RSAD2: variants seen among roughly 807,000 people sequenced by gnomAD.
The protein encoded by RSAD2 is radical S-adenosyl methionine domain containing 2.
Under a neutral mutation model 37.7 loss-of-function variants are expected in RSAD2, and 38 were observed. The observed-to-expected ratio is 1.01, with a 90% confidence interval of 0.78 to 1.32. The LOEUF is 1.32. Among genes scored for constraint, RSAD2 ranks in the 40% most tolerant of loss-of-function variants. The pLI is 0.00. For synonymous variants in RSAD2, 163 were observed against 157.4 expected, an observed-to-expected ratio of 1.04 and a Z score of -0.27; for missense variants, 428 against 437.5, an observed-to-expected ratio of 0.98 and a Z score of 0.19.
intron 4 of RSAD2, 107 bp downstream of exon 4, chr2:6,890,432 C>G (rs750422166): frequency 1.6e-6 from 2 of 1,236,128 alleles, no homozygotes; most frequent in East Asian, 2.4e-5. Context: ...TTAGAGGGTT[C>G]GGTGGTGAGA....
At chr2:6,890,382 A>C (rs1323800650) in intron 4 of RSAD2, 57 bp downstream of exon 4, 13 of 1,577,610 alleles carry the variant, frequency 8.2e-6, no homozygotes, top group Admixed American at 3.4e-5. Context: ...TGATTCCCAA[A>C]AGGGAAGTCT....
Position 6,883,409 on chromosome 2 carries a change from C to T in RSAD2, c.385C>T (p.Leu129Phe). 1.2e-6 allele frequency: 2 copies of T among 1,614,202 alleles called. No homozygotes were observed. The highest frequency in any genetic ancestry group is 1.1e-5 in the South Asian group (1 of 91,088). The change falls in exon 2 of 6, where the codon CTT becomes TTT. Residue 129 changes from leucine (L) to phenylalanine (F), a missense_variant. Coordinates refer to ENST00000382040, the MANE Select transcript of RSAD2 (RefSeq NM_080657.5). ...KINFSGGEPF[L>F]QDRGEYLGKL... is the part of the protein sequence containing the mutation. ...CAACTTTTCAGGTGGAGAGCCATTTCTTCAAGACCGGGGAGAATACCTGGG... is the reference window on the plus strand; with the variant it reads ...CAACTTTTCAGGTGGAGAGCCATTTTTTCAAGACCGGGGAGAATACCTGGG...
At chr2:6,891,769 C>T (rs1663636425) in intron 4 of RSAD2, among the ~76,000 whole-genome samples, 1 of 151,444 alleles carries the variant, frequency 6.6e-6, no homozygotes, top group African/African-American at 2.4e-5. Context: ...CTGTCTCAAA[C>T]AAACAAACAA....
Position 6,890,342 on chromosome 2 carries a change from G to C in RSAD2, c.888+17G>C, listed in dbSNP as rs745556465. ...AACCAGAAGGTTGTATAAAGCAAAA[G>C]TTGTTTTCTTTGTCATCATACATTC... On this transcript the variant is annotated intron_variant, in intron 4 of 5. Coordinates refer to ENST00000382040, the MANE Select transcript of RSAD2 (RefSeq NM_080657.5). The C allele has an allele frequency of 3.1e-6, 5 of 1,612,658 alleles. No individual in the cohort carries two copies. In the Admixed American group the frequency reaches 8.4e-5, roughly 27 times the overall value.
rs1663397033 is a variant in RSAD2 at position 6,881,370 on chromosome 2, A to G, written c.347-2001A>G. On this transcript the variant is annotated intron_variant, in intron 1 of 5. Transcript: ENST00000382040. ...ACAGATACTGTTTCATCTACCATAA[A>G]CCAAAACTGTTCCAGGCACACCAGC... 2.6e-5 allele frequency among the ~76,000 whole-genome samples: 4 copies of G among 152,232 alleles called. 1 individual carries two copies. In the South Asian group the frequency reaches 8.3e-4, roughly 32 times the overall value.
Position 6,890,180 on chromosome 2 carries a change from TC to T in RSAD2, c.745del (p.Gln249SerfsTer4). ...KALNPVRWKV[F>X]QCLLIEGENC... ...AACACTACCATTGCCTTTCAGGTGT[TC>T]CAGTGCCTCTTAATTGAGGGTGAGA... is the stretch of plus-strand genomic sequence containing the variant. On this transcript the variant is annotated frameshift_variant, in exon 4 of 6. Transcript: ENST00000382040. LOFTEE classifies it high-confidence loss of function. 5 of 1,614,122 alleles carry T rather than the reference TC, an allele frequency of 3.1e-6. No individual in the cohort carries two copies. Among genetic ancestry groups the T allele is most frequent in the Non-Finnish European group, 4.2e-6 (5 of 1,179,982 alleles).
Position 6,870,066 on chromosome 2 carries a change from T to C in RSAD2, c.142+4021T>C, listed in dbSNP as rs78043673. ...TTTCAATCCTTCATTTGCATAAATA[T>C]ACCTGATTGGGACCCTAGGTGGGAT... is the stretch of plus-strand genomic sequence containing the variant. On this transcript the variant is annotated intron_variant, in intron 1 of 5. Coordinates refer to the RSAD2 transcript ENST00000442639. Among the ~76,000 whole-genome samples the C allele has an allele frequency of 9.3e-3, 1,422 of 152,332 alleles. 10 individuals are homozygous for C. Among genetic ancestry groups the C allele is most frequent in the African/African-American group, 0.033 (1,362 of 41,562 alleles).
At chr2:6,873,595 A>T (rs1249776468), upstream of RSAD2, among the ~76,000 whole-genome samples, 1 of 152,172 alleles carries the variant, frequency 6.6e-6, no homozygotes, top group African/African-American at 2.4e-5. Flanking sequence ...ACTGAACTTT[A>T]AAAAGTTCAG....
intron 1 of RSAD2, among the ~76,000 whole-genome samples, chr2:6,866,892 TAAC>T (rs1166620581): frequency 2.0e-5 from 3 of 152,160 alleles, no homozygotes; most frequent in African/African-American, 7.2e-5. Flanking sequence ...AAAAAAGTCT[TAAC>T]AAACGTGAAA....
intron 5 of RSAD2, among the ~76,000 whole-genome samples, chr2:6,895,394 T>TG (rs1663753360): frequency 6.6e-6 from 1 of 152,244 alleles, no homozygotes; most frequent in Non-Finnish European, 1.5e-5. Flanking sequence ...CAGTACATCA[T>TG]GCTATATCAC....
intron 2 of RSAD2, chr2:6,883,815 C>A: frequency 2.9e-6 from 1 of 344,886 alleles, no homozygotes; most frequent in Non-Finnish European, 5.3e-6. Flanking sequence ...GATCTATGGC[C>A]TTAGTTTAGA....
At position 6,893,581 on chromosome 2, in the gene RSAD2, A is replaced by T. The variant is rs1452209366; in HGVS notation, c.889-90A>T. On this transcript the variant is annotated intron_variant, in intron 4 of 5. Transcript: ENST00000382040. ...AAATGAGAAATGCTGGATCCAAAAC[A>T]ATACAATGCAAACACTACAGGTGGA... The T allele has an allele frequency of 1.1e-5, 11 of 1,027,688 alleles. No homozygotes were observed. The Admixed American group carries it at 1.8e-4, about 17-fold the overall frequency. 63.7% of individuals were successfully genotyped at this position (1,027,688 alleles called of 1,614,324 possible).
intron 1 of RSAD2, among the ~76,000 whole-genome samples, chr2:6,867,745 A>G (rs1315217931): frequency 6.6e-6 from 1 of 152,178 alleles, no homozygotes; most frequent in Non-Finnish European, 1.5e-5. Flanking sequence ...CTCCAACTGA[A>G]AGAAAACCTG....
intron 3 of RSAD2, among the ~76,000 whole-genome samples, chr2:6,889,557 G>A (rs1223877371): frequency 1.3e-5 from 2 of 152,146 alleles, no homozygotes; most frequent in East Asian, 3.9e-4. Context: ...GTGTTGGGTT[G>A]GCTGTCACCC....
intron 1 of RSAD2, among the ~76,000 whole-genome samples, chr2:6,880,872 G>T (rs1305694467): frequency 1.3e-5 from 2 of 151,392 alleles, no homozygotes; most frequent in Non-Finnish European, 2.9e-5. Flanking sequence ...GGCTAAAGAT[G>T]CTCCTAAAAT....
intron 2 of RSAD2, among the ~76,000 whole-genome samples, chr2:6,884,287 G>T (rs1011945501): frequency 6.6e-6 from 1 of 152,166 alleles, no homozygotes; most frequent in Non-Finnish European, 1.5e-5. Flanking sequence ...GGGGAGGGAC[G>T]CTGTGGATGT....
At chr2:6,884,850 C>T (rs1663484337) in intron 2 of RSAD2, among the ~76,000 whole-genome samples, 1 of 152,120 alleles carries the variant, frequency 6.6e-6, no homozygotes, top group Non-Finnish European at 1.5e-5. Flanking sequence ...AATTATTAAA[C>T]ATAGATCAAA....
intron 4 of RSAD2, among the ~76,000 whole-genome samples, chr2:6,892,212 A>G (rs1243728267): frequency 6.6e-6 from 1 of 152,216 alleles, no homozygotes; most frequent in Non-Finnish European, 1.5e-5. Flanking sequence ...CAAAGAGCAG[A>G]CATTCATTCC....
chr2:6,866,436 G>A (rs1663093160), intron 1 of RSAD2: 5 of 985,556 alleles, frequency 5.1e-6, no homozygotes, highest in Non-Finnish European at 6.0e-6. Context: ...CTGTGCACAA[G>A]CTTTTCCCTC....
Sources: gnomAD v4.1 joint callset for allele counts (sites outside exome capture counted in the v4.1 genomes callset) on GRCh38, gnomAD v4.1.1 for gene constraint, MANE v1.5 for transcripts, NCBI Gene and HGNC (gene_info 2026-07-23, HGNC 2026-07-21) for gene names.